The following CCNJL variants were observed in gnomAD, a reference collection of about 807,000 sequenced individuals.
The protein encoded by CCNJL is cyclin-J-like protein.
CCNJL carries 33 observed loss-of-function variants against 33.4 expected under a neutral mutation model. That is an observed-to-expected ratio of 0.99 (90% CI 0.75 to 1.32). The LOEUF is 1.32. Among genes scored for constraint, CCNJL ranks in the 40% most tolerant of loss-of-function variants. The pLI, the probability that CCNJL is intolerant of heterozygous loss-of-function variation, is 0.00. For missense variants in CCNJL, 512 were observed against 499.7 expected (o/e 1.02, Z -0.23); for synonymous variants, 227 against 220.9 (o/e 1.03, Z -0.24).
chr5:160,259,889 G>T, intron 3 of CCNJL, 118 bp from the exon 4 acceptor site: 1 of 812,714 alleles, frequency 1.2e-6, no homozygotes, highest in Non-Finnish European at 2.0e-6. Flanking sequence ...AAGCAGACAG[G>T]CCAGACTGCG....
chr5:160,321,177 T>C (rs1763458470), intron 1 of CCNJL, among the ~76,000 whole-genome samples: 1 of 151,570 alleles, frequency 6.6e-6, no homozygotes, highest in Admixed American at 6.6e-5. Flanking sequence ...GGCGTAGGTG[T>C]GTGATAGGAG....
rs545738454 is a variant in CCNJL, at chr5:160,337,007, T to C, written n.206+2438A>G. ...CTTCCTTCTTTCTTTTTCTTTCTTT[T>C]TTTTTTTTTTTTTTTTGACAGGGTC... On this transcript the variant is annotated intron_variant and non_coding_transcript_variant, in intron 1 of 7. Transcript: ENST00000377503. Among the ~76,000 whole-genome samples the C allele has an allele frequency of 9.2e-3, 1,167 of 126,810 alleles. 12 individuals are homozygous for C. Among genetic ancestry groups the C allele is most frequent in the African/African-American group, 0.036 (1,018 of 27,932 alleles). The allele number at this position is 126,810 out of a possible 152,430, so 83.2% of individuals were successfully genotyped here. A position where few individuals can be genotyped will look rare whatever the true frequency, so the allele number is the denominator to read the frequency against.
intron 2 of CCNJL, among the ~76,000 whole-genome samples, chr5:160,296,215 C>T (rs1762746376): frequency 6.6e-6 from 1 of 152,294 alleles, no homozygotes; most frequent in South Asian, 2.1e-4. Context: ...ATAATCAAGC[C>T]AGATAACATA....
chr5:160,257,970 C>T (rs1020271155), intron 4 of CCNJL, among the ~76,000 whole-genome samples: 1 of 151,862 alleles, frequency 6.6e-6, no homozygotes, highest in Non-Finnish European at 1.5e-5. Context: ...CCTCAGCCTC[C>T]CAAGTAGCTG....
At chr5:160,282,513 A>G (rs1023930308) in intron 2 of CCNJL, among the ~76,000 whole-genome samples, 5 of 152,202 alleles carry the variant, frequency 3.3e-5, no homozygotes, top group African/African-American at 1.2e-4. Context: ...CAGAAAGAAA[A>G]AAGACAACCT....
intron 3 of CCNJL, among the ~76,000 whole-genome samples, chr5:160,278,247 G>A (rs1172392181): frequency 6.6e-6 from 1 of 152,114 alleles, no homozygotes; most frequent in Non-Finnish European, 1.5e-5. Context: ...TGATCCACCT[G>A]CCTCTGCCTC....
intron 3 of CCNJL, among the ~76,000 whole-genome samples, chr5:160,266,445 A>G (rs1761591319): frequency 6.6e-6 from 1 of 152,246 alleles, no homozygotes; most frequent in Admixed American, 6.5e-5. Context: ...CGGTGTGACC[A>G]GGGACAGCCA....
chr5:160,328,784 G>T (rs1763570806), intron 1 of CCNJL, among the ~76,000 whole-genome samples: 1 of 151,912 alleles, frequency 6.6e-6, no homozygotes, highest in Non-Finnish European at 1.5e-5. Flanking sequence ...GGAGGCTGAG[G>T]GAGAAGAATC....
chr5:160,310,542 T>G (rs1228916477), intron 2 of CCNJL, among the ~76,000 whole-genome samples: 1 of 152,206 alleles, frequency 6.6e-6, no homozygotes, highest in East Asian at 1.9e-4. Flanking sequence ...CTGTGAAACC[T>G]GTGTGGGGGC....
intron 3 of CCNJL, among the ~76,000 whole-genome samples, chr5:160,268,154 C>G (rs1252276207): frequency 6.6e-6 from 1 of 152,222 alleles, no homozygotes; most frequent in African/African-American, 2.4e-5. Flanking sequence ...ATACGCCCAG[C>G]AGACAAGCGT....
intron 3 of CCNJL, among the ~76,000 whole-genome samples, chr5:160,263,050 C>T (rs150863041): frequency 1.1e-3 from 172 of 152,280 alleles, no homozygotes; most frequent in African/African-American, 3.8e-3. Flanking sequence ...CTTTTGATTT[C>T]GAAAATTTTC....
chr5:160,282,878 T>G (rs576555697), intron 2 of CCNJL, among the ~76,000 whole-genome samples: 5 of 148,840 alleles, frequency 3.4e-5, no homozygotes, highest in African/African-American at 1.2e-4. Context: ...GTAAGTAAAA[T>G]GGTGCAGCCA....
chr5:160,327,006 G>A (rs1763428704), intron 1 of CCNJL: 1 of 496,690 alleles, frequency 2.0e-6, no homozygotes, highest in Non-Finnish European at 3.8e-6. Flanking sequence ...TTGTTGAGAT[G>A]GATACAGTTT....
chr5:160,303,558 G>C (rs1026590114), intron 2 of CCNJL, among the ~76,000 whole-genome samples: 1 of 151,062 alleles, frequency 6.6e-6, no homozygotes, highest in African/African-American at 2.4e-5. Context: ...AAAATGTATT[G>C]TGATGACACA....
At chr5:160,328,680 A>C (rs1192892320) in intron 1 of CCNJL, among the ~76,000 whole-genome samples, 3 of 150,558 alleles carry the variant, frequency 2.0e-5, no homozygotes, top group East Asian at 3.9e-4. Context: ...GACCAGCCTG[A>C]CCAATATGGT....
At chr5:160,286,861 C>A (rs1372488238) in intron 2 of CCNJL, among the ~76,000 whole-genome samples, 1 of 152,158 alleles carries the variant, frequency 6.6e-6, no homozygotes, top group Admixed American at 6.5e-5. Flanking sequence ...ACTTCTCTGA[C>A]CTCTCCATCA....
At chr5:160,336,726 T>A (rs1763687371) in intron 1 of CCNJL, among the ~76,000 whole-genome samples, 1 of 152,138 alleles carries the variant, frequency 6.6e-6, no homozygotes, top group South Asian at 2.1e-4. Flanking sequence ...CTCCTCCCAC[T>A]CCTCCCAGGA....
intron 2 of CCNJL, among the ~76,000 whole-genome samples, chr5:160,303,458 A>G (rs1247598474): frequency 6.6e-6 from 1 of 151,886 alleles, no homozygotes; most frequent in Non-Finnish European, 1.5e-5. Context: ...CACCTGCCTC[A>G]GCCTCCCAAA....
At position 160,291,055 on chromosome 5, in the gene CCNJL, A is replaced by G. The variant is rs1016534256; in HGVS notation, c.67-10317T>C. Among the ~76,000 whole-genome samples the G allele has an allele frequency of 4.0e-5, 6 of 149,370 alleles. No individual in the cohort carries two copies. The East Asian group carries it at 9.7e-4, about 24-fold the overall frequency. ...TTTACTTAAAAAAAAAAAAAAAAAAAAAAAAAGAAAGAAAGAGAGAGAGAA... is the reference window on the plus strand; with the variant it reads ...TTTACTTAAAAAAAAAAAAAAAAAAGAAAAAAGAAAGAAAGAGAGAGAGAA... On this transcript the variant is annotated intron_variant, in intron 2 of 5. Transcript: ENST00000257536.
Sources: allele counts gnomAD v4.1 joint callset (sites outside exome capture counted in the v4.1 genomes callset), GRCh38; gene constraint gnomAD v4.1.1; transcripts MANE v1.5; gene names NCBI Gene and HGNC (gene_info 2026-07-23, HGNC 2026-07-21).